Variants in PCDHA7 observed in about 807,000 individuals in gnomAD.
PCDHA7 encodes the protein protocadherin alpha-7.
A neutral mutation model predicts 57.2 loss-of-function variants in PCDHA7; 37 were observed. The ratio of observed to expected loss-of-function variants is 0.65; its 90% CI spans 0.50 to 0.85. PCDHA7 has a LOEUF of 0.85. PCDHA7 is among the 40% of genes least tolerant of loss of function. The pLI is 0.00. For missense variants in PCDHA7, 1,188 were observed against 1,241.8 expected (o/e 0.96, Z 0.65); for synonymous variants, 553 against 558.8 (o/e 0.99, Z 0.15).
chr5:140,954,920 G>A (rs1295412224), intron 1 of PCDHA7, among the ~76,000 whole-genome samples: 2 of 152,076 alleles, frequency 1.3e-5, no homozygotes, highest in East Asian at 3.9e-4. Context: ...TATGAATTAC[G>A]TCTTTAATTA....
chr5:140,976,615 G>C (rs1264627090), intron 1 of PCDHA7, among the ~76,000 whole-genome samples: 2 of 152,102 alleles, frequency 1.3e-5, no homozygotes, highest in Admixed American at 1.3e-4. Context: ...AAACATGACT[G>C]TCAGCTGAAC....
At position 140,917,315 on chromosome 5, in the gene PCDHA7, T is replaced by C. The variant is rs1015690007; in HGVS notation, c.2356-61634T>C. Among the ~76,000 whole-genome samples, 5 of 128,328 alleles carry C rather than the reference T, an allele frequency of 3.9e-5. No homozygotes were observed. In the East Asian group the frequency reaches 1.3e-3, roughly 32 times the overall value. 84.2% of individuals were successfully genotyped at this position (128,328 alleles called of 152,430 possible). A position where few individuals can be genotyped will look rare whatever the true frequency, so the allele number is the denominator to read the frequency against. On this transcript the variant is annotated intron_variant, in intron 1 of 3. Coordinates refer to ENST00000525929, the MANE Select transcript of PCDHA7 (RefSeq NM_018910.3). Reference sequence around the variant, plus strand: ...TGCAGATAGTTGTTACAATTTGGTGTTCATGTGGCGGGGGAGGGGGGGGAT... The same window carrying C: ...TGCAGATAGTTGTTACAATTTGGTGCTCATGTGGCGGGGGAGGGGGGGGAT...
intron 3 of PCDHA7, among the ~76,000 whole-genome samples, chr5:140,989,704 A>G (rs1011656518): frequency 9.2e-5 from 14 of 152,202 alleles, no homozygotes; most frequent in Admixed American, 9.2e-4. Context: ...TTTTATCTTC[A>G]GAGGCAGTCA....
chr5:140,895,772 C>T (rs1554186642), intron 1 of PCDHA7, among the ~76,000 whole-genome samples: 1 of 152,072 alleles, frequency 6.6e-6, no homozygotes, highest in Non-Finnish European at 1.5e-5. Flanking sequence ...TTTATGGCTG[C>T]ATAGTATTCA....
Position 140,861,683 on chromosome 5 carries a change from C to G in PCDHA7, c.2355+24945C>G, listed in dbSNP as rs1386318519. ...GAGAGCTCTTGATTATCGTGTTTCA[C>G]TAGAGGGTGTCTGTGATGCCGACGT... On this transcript the variant is annotated intron_variant, in intron 1 of 3. Coordinates refer to ENST00000525929, the MANE Select transcript of PCDHA7 (RefSeq NM_018910.3). 2.1e-5 allele frequency: 5 copies of G among 233,410 alleles called. No homozygotes were observed. The East Asian group carries it at 3.6e-4, about 17-fold the overall frequency. 14.5% of individuals were successfully genotyped at this position (233,410 alleles called of 1,614,324 possible).
intron 1 of PCDHA7, among the ~76,000 whole-genome samples, chr5:140,940,147 GT>G (rs1459512201): frequency 6.6e-6 from 1 of 152,082 alleles, no homozygotes; most frequent in African/African-American, 2.4e-5. Flanking sequence ...AACTATTATA[GT>G]TTTTGTTTGC....
In PCDHA7 at chr5:140,836,425, G is replaced by A. The variant is rs2150260582; in HGVS notation, c.2042G>A (p.Arg681Gln). Residue 681 changes from arginine (R) to glutamine (Q), a missense_variant, in exon 1 of 4, where the codon CGG becomes CAG. Arg to Gln is a conservative substitution (Grantham distance 43). This residue lies in a region of PCDHA7 where 892 missense variants were observed against 788.5 expected (regional missense o/e 1.13). Transcript: ENST00000525929. ...GGCCAGGCACCAAAGGCGTCGTCGC[G>A]GGCATCGTTGGGCATTGCAGGCCCA... ...ESGQAPKASSRASLGIAGPET... is the reference protein window; with the variant it reads ...ESGQAPKASSQASLGIAGPET... 1.2e-6 allele frequency: 2 copies of A among 1,613,790 alleles called. No homozygotes were observed. Among genetic ancestry groups the A allele is most frequent in the Admixed American group, 1.7e-5 (1 of 60,014 alleles).
chr5:140,909,066 T>G (rs1554193625), intron 1 of PCDHA7, among the ~76,000 whole-genome samples: 1 of 152,200 alleles, frequency 6.6e-6, no homozygotes, highest in African/African-American at 2.4e-5. Flanking sequence ...GTCTCACCAA[T>G]AAGCCCAGTG....
intron 3 of PCDHA7, among the ~76,000 whole-genome samples, chr5:140,998,872 T>C (rs1159101161): frequency 6.6e-6 from 1 of 152,202 alleles, no homozygotes; most frequent in African/African-American, 2.4e-5. Flanking sequence ...TTGTAAATAA[T>C]AAGTTTAGTT....
At chr5:140,884,035 C>A (rs782637499) in intron 1 of PCDHA7, 1 of 1,613,396 alleles carries the variant, frequency 6.2e-7, no homozygotes, top group South Asian at 1.1e-5. Context: ...GTGCAGGCCA[C>A]GTGGTGGCGA....
At chr5:140,942,351 G>A (rs893015832) in intron 1 of PCDHA7, among the ~76,000 whole-genome samples, 1 of 152,024 alleles carries the variant, frequency 6.6e-6, no homozygotes, top group Admixed American at 6.6e-5. Flanking sequence ...GGCGGAGGTT[G>A]CAGTTAACGG....
chr5:140,842,273 A>G, intron 1 of PCDHA7: 1 of 1,610,790 alleles, frequency 6.2e-7, no homozygotes, highest in Non-Finnish European at 8.5e-7. Flanking sequence ...CTTATACAAA[A>G]TCCTCATTGA....
At chr5:140,872,769 T>C (rs1463790803) in intron 1 of PCDHA7, among the ~76,000 whole-genome samples, 2 of 152,184 alleles carry the variant, frequency 1.3e-5, no homozygotes, top group African/African-American at 2.4e-5. Flanking sequence ...TAGGGCTATA[T>C]TATCTATAAT....
chr5:140,906,545 T>C (rs1477554651), intron 1 of PCDHA7, among the ~76,000 whole-genome samples: 2 of 152,256 alleles, frequency 1.3e-5, no homozygotes, highest in Admixed American at 6.5e-5. Context: ...TCCTCATTTC[T>C]GCAACTGGTT....
At chr5:140,850,468 C>T in intron 1 of PCDHA7, 1 of 1,597,912 alleles carries the variant, frequency 6.3e-7, no homozygotes, top group Non-Finnish European at 8.6e-7. Context: ...GGGGAGCCAG[C>T]GCTGACGGCC....
intron 1 of PCDHA7, among the ~76,000 whole-genome samples, chr5:140,894,606 T>C (rs1305424119): frequency 6.6e-6 from 1 of 152,022 alleles, no homozygotes; most frequent in Non-Finnish European, 1.5e-5. Context: ...CTCATCTCTC[T>C]TTTCAAAGCT....
chr5:140,853,994 C>T (rs1157670229), intron 1 of PCDHA7: 36 of 477,606 alleles, frequency 7.5e-5, no homozygotes, highest in Non-Finnish European at 9.6e-5. Flanking sequence ...TGAGACTCAT[C>T]TCTGCCAAAA....
intron 1 of PCDHA7, among the ~76,000 whole-genome samples, chr5:140,925,071 C>T (rs1554202476): frequency 6.8e-6 from 1 of 148,058 alleles, no homozygotes; most frequent in Non-Finnish European, 1.5e-5. Context: ...CAAAGCAACA[C>T]GCTCATCTGG....
rs2150364854 is a variant in PCDHA7, at chr5:140,843,675, T to C, written c.2355+6937T>C. ...CCTCCTGATCTGGGATCAGTTGATGTAGGCGAAGAGCAAGATTTAAATGTT... is the reference window on the plus strand; with the variant it reads ...CCTCCTGATCTGGGATCAGTTGATGCAGGCGAAGAGCAAGATTTAAATGTT... On this transcript the variant is annotated intron_variant, in intron 1 of 3. Transcript: ENST00000525929. 4.1e-5 allele frequency: 65 copies of C among 1,591,382 alleles called. 8 individuals are homozygous for C. The highest frequency in any genetic ancestry group is 5.5e-5 in the Non-Finnish European group (64 of 1,161,214).
Sources: allele counts gnomAD v4.1 joint callset (sites outside exome capture counted in the v4.1 genomes callset), GRCh38; gene constraint gnomAD v4.1.1; regional missense constraint gnomAD v4.1.1; transcripts MANE v1.5; gene names NCBI Gene and HGNC (gene_info 2026-07-23, HGNC 2026-07-21).